Variants in MYH13 observed in about 807,000 individuals in gnomAD.
MYH13 encodes the protein myosin-13.
A neutral mutation model predicts 232.1 loss-of-function variants in MYH13; 177 were observed. The observed-to-expected ratio is 0.76, with a 90% CI of 0.67 to 0.86. The LOEUF is 0.86. Ranked by LOEUF, MYH13 falls within the 40% of genes least tolerant of loss-of-function variation. MYH13 has a pLI of 0.00. For synonymous variants in MYH13, 884 were observed against 923.5 expected (o/e 0.96, Z 0.78); for missense variants, 2,246 against 2,405.9 (o/e 0.93, Z 1.39).
intron 2 of MYH13, among the ~76,000 whole-genome samples, chr17:10,369,213 T>G (rs141757859): frequency 6.6e-6 from 1 of 152,240 alleles, no homozygotes; most frequent in African/African-American, 2.4e-5. Context: ...GATTGTAATA[T>G]GCATCCTCAT....
chr17:10,346,086 T>C (rs1286436769), intron 13 of MYH13, among the ~76,000 whole-genome samples: 1 of 152,060 alleles, frequency 6.6e-6, no homozygotes, highest in Admixed American at 6.6e-5. Context: ...TATTAAATAT[T>C]TTATGAGGTG....
rs375682389 is a variant in MYH13, at chr17:10,364,601, G to A, written c.-12-59C>T. 8.5e-5 allele frequency: 120 copies of A among 1,418,332 alleles called. No individual in the cohort carries two copies. The African/African-American group carries it at 1.3e-3, about 15-fold the overall frequency. 87.9% of individuals were successfully genotyped at this position (1,418,332 alleles called of 1,614,324 possible). On this transcript the variant is annotated intron_variant, in intron 2 of 40. Coordinates refer to ENST00000252172, the MANE Select transcript of MYH13 (RefSeq NM_003802.3). ...CTTGGGTGACTGCTGAAGCTGCAGGGCCCCTACCCTTATTCTATTAAAACG... is the reference window on the plus strand; with the variant it reads ...CTTGGGTGACTGCTGAAGCTGCAGGACCCCTACCCTTATTCTATTAAAACG...
intron 10 of MYH13, 51 bp from the exon 11 acceptor site, chr17:10,354,834 T>C: frequency 7.2e-7 from 1 of 1,382,558 alleles, no homozygotes; most frequent in Non-Finnish European, 1.0e-6. Flanking sequence ...TTACTCTGGG[T>C]TGTTTTTTTT....
At position 10,306,643 on chromosome 17, in the gene MYH13, C is replaced by T. The variant is rs369432423; in HGVS notation, c.5296-14G>A. ...CATCATGGCAGCCTGGTTAAGTTCA[C>T]AGGACACATCAGAGGCCCTGTCCGC... On this transcript the variant is annotated splice_polypyrimidine_tract_variant and intron_variant, in intron 36 of 40. Coordinates refer to ENST00000252172, the MANE Select transcript of MYH13 (RefSeq NM_003802.3). This position sits in a 1 kb window ranked among gnomAD's most constrained non-coding sequence, Gnocchi z 4.3. 1.2e-6 allele frequency: 2 copies of T among 1,613,568 alleles called. No homozygotes were observed. The highest frequency in any genetic ancestry group is 2.7e-5 in the African/African-American group (2 of 74,886).
chr17:10,308,871 G>A (rs955354489), intron 35 of MYH13, among the ~76,000 whole-genome samples: 10 of 151,996 alleles, frequency 6.6e-5, no homozygotes, highest in Non-Finnish European at 1.0e-4. Context: ...TAGGTGTGGC[G>A]CTGAGCCGGG....
chr17:10,333,531 C>T (rs768504601), intron 18 of MYH13, among the ~76,000 whole-genome samples: 1 of 151,636 alleles, frequency 6.6e-6, no homozygotes, highest in Non-Finnish European at 1.5e-5. Context: ...CATGGGATAA[C>T]CCGAGATGTC....
At chr17:10,340,110 T>C (rs1381127170) in intron 18 of MYH13, 40 bp downstream of exon 18, 24 of 1,562,118 alleles carry the variant, frequency 1.5e-5, no homozygotes, top group Non-Finnish European at 2.0e-5. Context: ...CAGGGCGTCC[T>C]GTTCTGTTCA....
chr17:10,359,239 C>T (rs2071772672), intron 7 of MYH13, among the ~76,000 whole-genome samples: 1 of 152,146 alleles, frequency 6.6e-6, no homozygotes, highest in Non-Finnish European at 1.5e-5. Context: ...CAGCCCTATT[C>T]CTGACCCCTG....
At chr17:10,302,905 A>G (rs1412766332) in intron 39 of MYH13, among the ~76,000 whole-genome samples, 1 of 151,110 alleles carries the variant, frequency 6.6e-6, no homozygotes, top group Non-Finnish European at 1.5e-5. Flanking sequence ...ACGCCAGCAG[A>G]GTAGGCTAAC....
chr17:10,325,235 C>CGG (rs1467825320), intron 22 of MYH13, among the ~76,000 whole-genome samples: 2 of 152,348 alleles, frequency 1.3e-5, no homozygotes, highest in East Asian at 3.9e-4. Flanking sequence ...ACTCTTCCTG[C>CGG]TACCACCAGT....
chr17:10,311,981 C>A lies in MYH13; in HGVS notation c.4461G>T (p.Lys1487Asn), dbSNP rs748152739. The A allele has an allele frequency of 3.7e-6, 6 of 1,613,920 alleles. No homozygotes were observed. The African/African-American group carries it at 8.0e-5, about 22-fold the overall frequency. ...CCACCTCCTCATAGGCATTCCTCAT[C>A]TTGAAGAGTTCAGTGCTGAGTGACC... ...ESRSLSTELF[K>N]MRNAYEEVVD... Residue 1487 changes from lysine (K) to asparagine (N), a missense_variant, in exon 32 of 41, where the codon AAG becomes AAT. Transcript: ENST00000252172.
intron 21 of MYH13, 33 bp downstream of exon 21, chr17:10,330,354 G>T (rs759265293): frequency 7.4e-6 from 12 of 1,611,692 alleles, no homozygotes; most frequent in Admixed American, 5.0e-5. Context: ...AGCAGAGAGG[G>T]CAGGATAAGG....
chr17:10,320,645 T>C, intron 24 of MYH13, 149 bp from the exon 25 acceptor site: 1 of 834,384 alleles, frequency 1.2e-6, no homozygotes, highest in Non-Finnish European at 1.8e-6. Context: ...GAAGCAAGTC[T>C]TGCCCCTACC....
At chr17:10,352,560 G>C (rs1181540746) in intron 11 of MYH13, among the ~76,000 whole-genome samples, 1 of 151,900 alleles carries the variant, frequency 6.6e-6, no homozygotes, top group African/African-American at 2.4e-5. Context: ...CTGCACTCCA[G>C]CCTGGGGACA....
intron 2 of MYH13, among the ~76,000 whole-genome samples, chr17:10,370,760 G>A (rs973741287): frequency 3.3e-5 from 5 of 152,158 alleles, no homozygotes; most frequent in Non-Finnish European, 7.3e-5. Flanking sequence ...AGGGGATAGG[G>A]TTTTTATTAC....
In MYH13 at chr17:10,311,127, C is replaced by A; in HGVS notation, c.4632G>T (p.Leu1544=). The change falls in exon 33 of 41, where the codon CTG becomes CTT. Residue 1544 remains leucine, a synonymous_variant. Transcript: ENST00000252172. ...CCTCCACTTCTTCTAAGGCGACCTG[C>A]AGATCTGACTTTTCCTGCTCCACTA... ...KKLVEQEKSD[L]QVALEEVEGS... 6.2e-7 allele frequency: 1 copy of A among 1,614,030 alleles called. No homozygotes were observed. Among genetic ancestry groups the A allele is most frequent in the Non-Finnish European group, 8.5e-7 (1 of 1,179,888 alleles).
intron 32 of MYH13, among the ~76,000 whole-genome samples, 160 bp from the exon 33 acceptor site, chr17:10,311,387 G>A (rs1185996375): frequency 6.6e-6 from 1 of 152,198 alleles, no homozygotes; most frequent in Non-Finnish European, 1.5e-5. Flanking sequence ...ACAGGGATGT[G>A]TTGCCTCACC....
intron 30 of MYH13, 111 bp downstream of exon 30, chr17:10,313,047 C>G (rs959526319): frequency 6.5e-7 from 1 of 1,530,452 alleles, no homozygotes; most frequent in African/African-American, 1.4e-5. Flanking sequence ...CCGAGTGTTT[C>G]AGAAACCACA....
At chr17:10,338,301 G>A (rs748511849) in intron 18 of MYH13, among the ~76,000 whole-genome samples, 4 of 151,930 alleles carry the variant, frequency 2.6e-5, no homozygotes, top group Non-Finnish European at 2.9e-5. Context: ...CACTGGAGAA[G>A]CCGGCTCATT....
Sources: gnomAD v4.1 joint callset for allele counts (sites outside exome capture counted in the v4.1 genomes callset) on GRCh38, gnomAD v4.1.1 for gene constraint, Gnocchi (gnomAD v3.1) non-coding constraint, MANE v1.5 for transcripts, NCBI Gene and HGNC (gene_info 2026-07-23, HGNC 2026-07-21) for gene names.